The following USP37 variants were observed in gnomAD, a reference collection of about 807,000 sequenced individuals.
The protein encoded by USP37 is ubiquitin specific peptidase 37, also known as ubiquitin carboxyl-terminal hydrolase 37.
USP37 carries 27 observed loss-of-function variants against 124.0 expected under a neutral mutation model. The observed-to-expected ratio is 0.22, with a 90% CI of 0.16 to 0.30. The LOEUF is 0.30. Among genes scored for constraint, USP37 ranks in the 10% least tolerant of loss-of-function variants. USP37 has a pLI of 1.00. For missense variants in USP37, 889 were observed against 1,140.4 expected (o/e 0.78, Z 3.17); for synonymous variants, 365 against 388.0 (o/e 0.94, Z 0.70).
intron 12 of USP37, 32 bp from the exon 13 acceptor site, chr2:218,497,889 T>G: frequency 6.2e-7 from 1 of 1,606,262 alleles, no homozygotes; most frequent in Non-Finnish European, 8.5e-7. Context: ...AGTTAGCACG[T>G]TTTACATGAC....
At chr2:218,540,317 C>T (rs1691904735) in intron 8 of USP37, among the ~76,000 whole-genome samples, 1 of 152,074 alleles carries the variant, frequency 6.6e-6, no homozygotes, top group Non-Finnish European at 1.5e-5. Context: ...TTTCATTGTG[C>T]TACTCAAAAC....
Position 218,534,719 on chromosome 2 carries a change from A to T in USP37, c.681-13T>A. 6.5e-7 allele frequency: 1 copy of T among 1,543,930 alleles called. No homozygotes were observed. The highest frequency in any genetic ancestry group is 8.8e-7 in the Non-Finnish European group (1 of 1,132,302). On this transcript the variant is annotated splice_polypyrimidine_tract_variant and intron_variant, in intron 8 of 25. Transcript: ENST00000258399. ...GGCCTTGTTGTTCCTATAGTTAATA[A>T]TTTTACATCAATATAGTACAGGTGT... is the stretch of plus-strand genomic sequence containing the variant.
At chr2:218,527,108 C>T (rs1166839435) in intron 10 of USP37, among the ~76,000 whole-genome samples, 1 of 152,090 alleles carries the variant, frequency 6.6e-6, no homozygotes, top group African/African-American at 2.4e-5. Flanking sequence ...ATCTCGGTTT[C>T]CTTGCTATAT....
At chr2:218,506,292 T>C (rs1341570207) in intron 11 of USP37, among the ~76,000 whole-genome samples, 9 of 135,320 alleles carry the variant, frequency 6.7e-5, no homozygotes, top group African/African-American at 2.5e-4. Flanking sequence ...CTGGCTTTTT[T>C]TTTTTTTTTT....
At chr2:218,545,406 T>C (rs763153442) in intron 8 of USP37, among the ~76,000 whole-genome samples, 6 of 152,182 alleles carry the variant, frequency 3.9e-5, no homozygotes, top group Non-Finnish European at 7.3e-5. Flanking sequence ...AAATGGAGGC[T>C]GCTTATTAAT....
intron 16 of USP37, 112 bp from the exon 17 acceptor site, chr2:218,482,346 G>T: frequency 8.3e-7 from 1 of 1,209,186 alleles, no homozygotes; most frequent in Non-Finnish European, 1.1e-6. Context: ...AAATCCATTT[G>T]GCCAAACCAA....
At chr2:218,507,080 G>A (rs910185157) in intron 11 of USP37, among the ~76,000 whole-genome samples, 3 of 151,970 alleles carry the variant, frequency 2.0e-5, no homozygotes, top group African/African-American at 7.2e-5. Flanking sequence ...TTACAGGTGT[G>A]AGTGGTGCCT....
At chr2:218,562,911 C>T in intron 1 of USP37, 98 bp from the exon 2 acceptor site, 2 of 386,236 alleles carry the variant, frequency 5.2e-6, no homozygotes, top group Non-Finnish European at 9.1e-6. Context: ...CGCGAGTAAT[C>T]CCAGCACTTT....
At chr2:218,558,871 A>T (rs570016064) in intron 3 of USP37, among the ~76,000 whole-genome samples, 194 bp from the exon 4 acceptor site, 1 of 152,262 alleles carries the variant, frequency 6.6e-6, no homozygotes, top group South Asian at 2.1e-4. Flanking sequence ...ATTCACAACC[A>T]TACTGCTACC....
In USP37 at chr2:218,546,108, C is replaced by T. The variant is rs188217188; in HGVS notation, c.680+113G>A. The T allele has an allele frequency of 1.8e-3, 1,575 of 872,238 alleles. 9 individuals are homozygous for T. The highest frequency in any genetic ancestry group is 1.5e-3 in the Non-Finnish European group (884 of 573,624). 54.0% of individuals were successfully genotyped at this position (872,238 alleles called of 1,614,324 possible). A position where few individuals can be genotyped will look rare whatever the true frequency, so the allele number is the denominator to read the frequency against. On this transcript the variant is annotated intron_variant, in intron 8 of 25. Transcript: ENST00000258399. The stretch of plus-strand genomic sequence containing the variant: ...CAAACTACTTTACATTCTGCTCTTC[C>T]ATCTTTGGAATTCTCATAAATTAAA...
intron 10 of USP37, among the ~76,000 whole-genome samples, chr2:218,528,021 T>C (rs1380053051): frequency 6.6e-6 from 1 of 151,892 alleles, no homozygotes; most frequent in Non-Finnish European, 1.5e-5. Context: ...GCTAACACAG[T>C]GAAACCCCGT....
intron 14 of USP37, among the ~76,000 whole-genome samples, chr2:218,491,312 C>T (rs1288726558): frequency 2.6e-5 from 4 of 152,184 alleles, no homozygotes; most frequent in Non-Finnish European, 5.9e-5. Context: ...TGGCAAGGAT[C>T]TATAGGCAGC....
At chr2:218,554,722 G>A (rs1692865424) in intron 4 of USP37, among the ~76,000 whole-genome samples, 1 of 150,038 alleles carries the variant, frequency 6.7e-6, no homozygotes, top group Non-Finnish European at 1.5e-5. Context: ...ACTCCAGCCT[G>A]GATGACAGAG....
chr2:218,562,249 T>C (rs539451), intron 2 of USP37, among the ~76,000 whole-genome samples: 70,566 of 152,092 alleles, frequency 0.46, 19,534 homozygotes, highest in East Asian at 0.78. Flanking sequence ...CCAGTAACAG[T>C]TAAACTTCCT....
intron 10 of USP37, among the ~76,000 whole-genome samples, chr2:218,526,785 C>CT (rs71064454): frequency 0.015 from 1,136 of 75,910 alleles, 21 homozygotes; most frequent in Non-Finnish European, 0.018. Context: ...ATTTCATTTG[C>CT]TTTTTTTTTT....
chr2:218,516,164 C>T (rs577432326), intron 10 of USP37, among the ~76,000 whole-genome samples: 11 of 152,200 alleles, frequency 7.2e-5, no homozygotes, highest in East Asian at 1.9e-4. Flanking sequence ...AAATATCATT[C>T]GACCCAGCAA....
intron 13 of USP37, among the ~76,000 whole-genome samples, chr2:218,497,326 C>T (rs1689135816): frequency 6.6e-6 from 1 of 151,914 alleles, no homozygotes; most frequent in African/African-American, 2.4e-5. Flanking sequence ...CCACCGTGGC[C>T]TCCCAAAGTG....
chr2:218,542,316 C>T (rs539716726), intron 8 of USP37, among the ~76,000 whole-genome samples: 29 of 152,260 alleles, frequency 1.9e-4, no homozygotes, highest in African/African-American at 7.0e-4. Flanking sequence ...GAACAAGGAT[C>T]GGTAACCTAG....
chr2:218,488,197 AGAAAAG>A, intron 15 of USP37, 101 bp downstream of exon 15: 1 of 562,864 alleles, frequency 1.8e-6, no homozygotes, highest in South Asian at 3.5e-5. Flanking sequence ...AAAAAAAAAA[AGAAAAG>A]AAAAGAAACT....
Sources: allele counts gnomAD v4.1 joint callset (sites outside exome capture counted in the v4.1 genomes callset), GRCh38; gene constraint gnomAD v4.1.1; transcripts MANE v1.5; gene names NCBI Gene and HGNC (gene_info 2026-07-23, HGNC 2026-07-21).